The following HIVEP3 variants were observed in gnomAD, a reference collection of about 807,000 sequenced individuals.
HIVEP3 encodes HIVEP zinc finger 3.
In HIVEP3, 49 loss-of-function variants were observed where a neutral mutation model predicts 152.8. The observed-to-expected ratio is 0.32, with a 90% CI of 0.26 to 0.41. The LOEUF is 0.41. Among genes scored for constraint, HIVEP3 ranks in the 10% least tolerant of loss-of-function variants. HIVEP3 has a pLI of 1.00. For synonymous variants in HIVEP3, 1,269 were observed against 1,289.0 expected (o/e 0.98, Z 0.33); for missense variants, 2,790 against 3,103.3 (o/e 0.90, Z 2.40).
chr1:41,813,206 G>A (rs1651069581), intron 1 of HIVEP3, among the ~76,000 whole-genome samples: 1 of 152,090 alleles, frequency 6.6e-6, no homozygotes, highest in African/African-American at 2.4e-5. Flanking sequence ...TGAGGCTCTG[G>A]GTTCCATGGC....
chr1:41,817,789 T>C (rs1242855592), intron 1 of HIVEP3, among the ~76,000 whole-genome samples: 2 of 152,018 alleles, frequency 1.3e-5, no homozygotes, highest in Non-Finnish European at 1.5e-5. Flanking sequence ...TACTGGGAGG[T>C]TACCTTGTGC....
intron 3 of HIVEP3, among the ~76,000 whole-genome samples, chr1:41,599,725 T>C (rs1270454501): frequency 1.3e-5 from 2 of 152,130 alleles, no homozygotes; most frequent in South Asian, 2.1e-4. Flanking sequence ...TACAAATAGA[T>C]AAATTGCCTA....
chr1:41,925,465 G>GGAAGTGAATCATCAT (rs1553135393), intron 1 of HIVEP3, among the ~76,000 whole-genome samples: 1 of 152,148 alleles, frequency 6.6e-6, no homozygotes, highest in Non-Finnish European at 1.5e-5. Context: ...TTTATTAAGT[G>GGAAGTGAATCATCAT]GAAGTGAATC....
At position 41,582,339 on chromosome 1, in the gene HIVEP3, C is replaced by A. The variant is rs1230296816; in HGVS notation, c.2459G>T (p.Gly820Val). 6.2e-7 allele frequency: 1 copy of A among 1,614,110 alleles called. No individual in the cohort carries two copies. Among genetic ancestry groups the A allele is most frequent in the Non-Finnish European group, 8.5e-7 (1 of 1,179,978 alleles). ...DSLEQPSGLE[G>V]EDKPLAQFPS... ...GAACTGGGCCAGAGGTTTGTCTTCCCCTTCCAAGCCACTCGGCTGCTCGAG... is the reference window on the plus strand; with the variant it reads ...GAACTGGGCCAGAGGTTTGTCTTCCACTTCCAAGCCACTCGGCTGCTCGAG... Residue 820 changes from glycine (G) to valine (V), a missense_variant, in exon 4 of 9, where the codon GGG (glycine) becomes GTG (valine). Transcript: ENST00000372583. This position sits in a 1 kb window ranked among gnomAD's most constrained non-coding sequence, Gnocchi z 4.7.
intron 1 of HIVEP3, among the ~76,000 whole-genome samples, chr1:41,868,198 T>TTG (rs1449892706): frequency 2.9e-4 from 2 of 7,008 alleles, no homozygotes; most frequent in Non-Finnish European, 9.2e-4. Context: ...TTTGTGGGGG[T>TTG]TTTTTTTTTT....
intron 1 of HIVEP3, among the ~76,000 whole-genome samples, chr1:41,754,954 T>G (rs183677945): frequency 6.6e-6 from 1 of 152,270 alleles, no homozygotes; most frequent in African/African-American, 2.4e-5. Context: ...TAATACGTTA[T>G]CACAAGCCTT....
chr1:41,944,899 G>T (rs1041260342), intron 1 of HIVEP3, among the ~76,000 whole-genome samples: 1 of 152,048 alleles, frequency 6.6e-6, no homozygotes, highest in Admixed American at 6.6e-5. Context: ...TGGAGAACTG[G>T]GGCCAATTTG....
rs912830679 is a variant in HIVEP3, at chr1:42,031,106, T to C, written n.119+4701A>G. 5.9e-5 allele frequency among the ~76,000 whole-genome samples: 9 copies of C among 152,140 alleles called. No homozygotes were observed. In the East Asian group the frequency reaches 9.6e-4, roughly 16 times the overall value. ...GCACTACTCAATATCCTTAACAAAA[T>C]AGCCTTTGAAAAATTCCCTAGAACT... On this transcript the variant is annotated intron_variant and non_coding_transcript_variant, in intron 1 of 3. Coordinates refer to the HIVEP3 transcript ENST00000489103.
chr1:42,031,717 C>A (rs10437088), intron 1 of HIVEP3, among the ~76,000 whole-genome samples: 35,254 of 151,960 alleles, frequency 0.23, 4,570 homozygotes, highest in African/African-American at 0.34. Flanking sequence ...CCCCACCCCC[C>A]AAAAAATGAG....
chr1:41,627,006 G>A (rs866661818), intron 3 of HIVEP3, among the ~76,000 whole-genome samples: 3 of 152,218 alleles, frequency 2.0e-5, no homozygotes, highest in Non-Finnish European at 4.4e-5. Context: ...ACTCACTGAG[G>A]TTTGGGAAGG....
chr1:41,963,728 A>T (rs1645182260), intron 1 of HIVEP3, among the ~76,000 whole-genome samples: 1 of 152,204 alleles, frequency 6.6e-6, no homozygotes, highest in Non-Finnish European at 1.5e-5. Flanking sequence ...ACCTAGCCTT[A>T]AAGGGCCAGC....
At chr1:41,668,376 C>T (rs1043635591) in intron 2 of HIVEP3, among the ~76,000 whole-genome samples, 44 of 152,230 alleles carry the variant, frequency 2.9e-4, no homozygotes, top group Non-Finnish European at 5.6e-4. Context: ...CAAAAGCCTG[C>T]ATCCACAGCA....
chr1:41,898,524 G>A (rs11210542), intron 1 of HIVEP3, among the ~76,000 whole-genome samples: 2,731 of 152,318 alleles, frequency 0.018, 89 homozygotes, highest in African/African-American at 0.063. Context: ...CTCAGGCAAG[G>A]ACCCTCAGGG....
chr1:42,009,508 C>T (rs1404188161), intron 1 of HIVEP3, among the ~76,000 whole-genome samples: 3 of 152,174 alleles, frequency 2.0e-5, no homozygotes, highest in African/African-American at 7.2e-5. Context: ...TGCTTCCTTG[C>T]CCCAATTTCA....
At chr1:41,825,886 G>A (rs1642789252) in intron 1 of HIVEP3, among the ~76,000 whole-genome samples, 1 of 152,066 alleles carries the variant, frequency 6.6e-6, no homozygotes, top group African/African-American at 2.4e-5. Flanking sequence ...AGAATTATAG[G>A]GGTGAGCCAC....
rs771487140 is a variant in HIVEP3, at chr1:41,674,463, G to A, written c.-721+26453C>T. On this transcript the variant is annotated intron_variant, in intron 2 of 8. Transcript: ENST00000372583. ...CTGGAACCTGGAGTATTTCAAGGAC[G>A]TGGGATTCTCAGGGCAGGAACCAGG... Among the ~76,000 whole-genome samples, 8 of 152,312 alleles carry A rather than the reference G, an allele frequency of 5.3e-5. No individual in the cohort carries two copies. In the South Asian group the frequency reaches 1.2e-3, roughly 24 times the overall value.
chr1:41,951,963 G>A (rs1645111298), intron 1 of HIVEP3, among the ~76,000 whole-genome samples: 1 of 152,132 alleles, frequency 6.6e-6, no homozygotes, highest in South Asian at 2.1e-4. Context: ...ACCAAAACAT[G>A]TAGTTAGAAA....
intron 1 of HIVEP3, among the ~76,000 whole-genome samples, chr1:41,877,636 T>C (rs988539083): frequency 2.0e-5 from 3 of 150,988 alleles, no homozygotes; most frequent in Non-Finnish European, 4.4e-5. Context: ...TGCAATTACC[T>C]ATCAGTTGTG....
chr1:41,818,025 G>A (rs1321137817), intron 1 of HIVEP3, among the ~76,000 whole-genome samples: 3 of 152,172 alleles, frequency 2.0e-5, no homozygotes, highest in Non-Finnish European at 2.9e-5. Flanking sequence ...CCTCAGCAAT[G>A]TCACAGGCAT....
Sources: gnomAD v4.1 joint callset for allele counts (sites outside exome capture counted in the v4.1 genomes callset) on GRCh38, gnomAD v4.1.1 for gene constraint, Gnocchi (gnomAD v3.1) non-coding constraint, MANE v1.5 for transcripts, NCBI Gene and HGNC (gene_info 2026-07-23, HGNC 2026-07-21) for gene names.